AMPH: variants seen among roughly 807,000 people sequenced by gnomAD.
AMPH encodes amphiphysin (Stiff-Mann syndrome with breast cancer 128kD autoantigen).
Under a neutral mutation model 99.1 loss-of-function variants are expected in AMPH, and 49 were observed. That is an observed-to-expected ratio of 0.49 (90% CI 0.39 to 0.63). AMPH has a LOEUF of 0.63. Ranked by LOEUF, AMPH falls within the 20% of genes least tolerant of loss-of-function variation. The pLI is 0.00. For synonymous variants in AMPH, 314 were observed against 317.3 expected (o/e 0.99, Z 0.11); for missense variants, 759 against 863.4 (o/e 0.88, Z 1.52).
chr7:38,619,434 C>A (rs1256305826), intron 1 of AMPH, among the ~76,000 whole-genome samples: 1 of 152,066 alleles, frequency 6.6e-6, no homozygotes, highest in Non-Finnish European at 1.5e-5. Flanking sequence ...AAGAAATAGA[C>A]AATTCAACAA....
chr7:38,516,323 C>A (rs1442185962), intron 2 of AMPH, among the ~76,000 whole-genome samples: 2 of 152,176 alleles, frequency 1.3e-5, no homozygotes, highest in African/African-American at 4.8e-5. Context: ...CCCTGAGCAG[C>A]CTCGGGACAC....
At chr7:38,549,939 T>C (rs1050909845) in intron 1 of AMPH, among the ~76,000 whole-genome samples, 2 of 152,232 alleles carry the variant, frequency 1.3e-5, no homozygotes, top group African/African-American at 4.8e-5. Flanking sequence ...AAACTTTAGG[T>C]TTTGTTATTC....
chr7:38,461,494 T>C, intron 10 of AMPH, 83 bp from the exon 11 acceptor site: 3 of 1,539,522 alleles, frequency 1.9e-6, no homozygotes, highest in Non-Finnish European at 1.8e-6. Context: ...CAGAGCTACA[T>C]GGACAGATTG....
rs142839100 is a variant in AMPH, at chr7:38,507,465, A to C, written c.151-3761T>G. Among the ~76,000 whole-genome samples the C allele has an allele frequency of 1.3e-3, 203 of 152,332 alleles. 1 individual carries two copies. The highest frequency in any genetic ancestry group is 4.3e-3 in the African/African-American group (180 of 41,566). On this transcript the variant is annotated intron_variant, in intron 2 of 20. Transcript: ENST00000356264. ...TAATCAAAAAGGTAAAAAGCTCTGG[A>C]GAAAAATCCTCCACCTACAATATGC...
chr7:38,428,570 A>G (rs910530707), intron 14 of AMPH: 5 of 456,560 alleles, frequency 1.1e-5, no homozygotes, highest in Non-Finnish European at 1.8e-5. Context: ...AAAATATCAT[A>G]TCATGGTTGG....
At chr7:38,414,179 C>T (rs1785297755) in intron 17 of AMPH, among the ~76,000 whole-genome samples, 1 of 152,218 alleles carries the variant, frequency 6.6e-6, no homozygotes, top group Admixed American at 6.5e-5. Context: ...AGACTATAGT[C>T]TGGCAATTCT....
At chr7:38,478,193 C>T (rs1390829107) in intron 5 of AMPH, among the ~76,000 whole-genome samples, 2 of 151,904 alleles carry the variant, frequency 1.3e-5, no homozygotes, top group Non-Finnish European at 2.9e-5. Flanking sequence ...GGAGAGAGAC[C>T]CCTTCTGCAG....
At chr7:38,518,267 C>G (rs1789826345) in intron 2 of AMPH, among the ~76,000 whole-genome samples, 1 of 152,188 alleles carries the variant, frequency 6.6e-6, no homozygotes, top group Admixed American at 6.5e-5. Context: ...CAGGCAGAAA[C>G]TTGCCACAGA....
chr7:38,410,520 T>C (rs1785183011), intron 17 of AMPH, among the ~76,000 whole-genome samples: 1 of 152,190 alleles, frequency 6.6e-6, no homozygotes, highest in Non-Finnish European at 1.5e-5. Context: ...GTCATCCCGA[T>C]GGCCTAGCAA....
chr7:38,536,906 A>G (rs1173022851), intron 1 of AMPH, among the ~76,000 whole-genome samples: 1 of 152,162 alleles, frequency 6.6e-6, no homozygotes, highest in Non-Finnish European at 1.5e-5. Flanking sequence ...GAAATTATGT[A>G]TATATGTAAA....
rs1786130452 is a variant in AMPH, at chr7:38,433,653, A to T, written c.1135-1441T>A. Among the ~76,000 whole-genome samples the T allele has an allele frequency of 2.6e-5, 2 of 77,782 alleles. 1 individual carries two copies. Among genetic ancestry groups the T allele is most frequent in the African/African-American group, 1.2e-4 (2 of 17,308 alleles). 51.0% of individuals were successfully genotyped at this position (77,782 alleles called of 152,430 possible). ...GGCAGGAGAATGGCATGAACCCGGGAGGCGGAGCTTGCAGTGAGCCGAGAT... is the reference window on the plus strand; with the variant it reads ...GGCAGGAGAATGGCATGAACCCGGGTGGCGGAGCTTGCAGTGAGCCGAGAT... On this transcript the variant is annotated intron_variant, in intron 12 of 20. Transcript: ENST00000356264.
chr7:38,610,364 AAAAGAAAAGAAAGGAAAG>A, intron 1 of AMPH, among the ~76,000 whole-genome samples: 1 of 51,882 alleles, frequency 1.9e-5, no homozygotes, highest in African/African-American at 9.0e-5. Flanking sequence ...AAAAGAAAAG[AAAAGAAAAGAAAGGAAAG>A]GAAAAGAAAA....
At chr7:38,451,693 C>G (rs1237419894) in intron 11 of AMPH, among the ~76,000 whole-genome samples, 1 of 152,052 alleles carries the variant, frequency 6.6e-6, no homozygotes, top group Non-Finnish European at 1.5e-5. Flanking sequence ...GCCCCTCAGT[C>G]TCATGTAAAC....
intron 5 of AMPH, among the ~76,000 whole-genome samples, chr7:38,485,672 A>G (rs964188220): frequency 7.9e-5 from 12 of 152,008 alleles, no homozygotes; most frequent in Admixed American, 7.2e-4. Context: ...CAGAATACAC[A>G]TATTTCTTAA....
intron 2 of AMPH, among the ~76,000 whole-genome samples, chr7:38,524,885 T>C (rs1790104135): frequency 6.6e-6 from 1 of 152,124 alleles, no homozygotes; most frequent in South Asian, 2.1e-4. Flanking sequence ...TTAGGTCCCA[T>C]GAATCCTATA....
intron 11 of AMPH, among the ~76,000 whole-genome samples, chr7:38,443,873 C>A: frequency 2.0e-5 from 3 of 150,332 alleles, no homozygotes; most frequent in South Asian, 2.1e-4. Context: ...TAAAAGGCAC[C>A]GAGATTGCAA....
chr7:38,466,283 G>C (rs1341923971), intron 7 of AMPH, 35 bp from the exon 8 acceptor site: 133 of 1,515,982 alleles, frequency 8.8e-5, no homozygotes, highest in Non-Finnish European at 1.2e-4. Flanking sequence ...AAAGAAGAGA[G>C]AGGGAAAGAC....
intron 2 of AMPH, among the ~76,000 whole-genome samples, chr7:38,509,081 TTC>T (rs1406216809): frequency 6.6e-6 from 1 of 152,304 alleles, no homozygotes; most frequent in African/African-American, 2.4e-5. Context: ...AAATTTACAT[TTC>T]TGTTTCCTTG....
chr7:38,615,322 C>T (rs769989636), intron 1 of AMPH, among the ~76,000 whole-genome samples: 1 of 152,092 alleles, frequency 6.6e-6, no homozygotes, highest in Admixed American at 6.6e-5. Flanking sequence ...GGGGAAACAC[C>T]CAATTCTTTA....
Sources: allele counts gnomAD v4.1 joint callset (sites outside exome capture counted in the v4.1 genomes callset), GRCh38; gene constraint gnomAD v4.1.1; transcripts MANE v1.5; gene names NCBI Gene and HGNC (gene_info 2026-07-23, HGNC 2026-07-21).